Variants in SLC5A12 observed in about 807,000 individuals in gnomAD.
SLC5A12 encodes sodium-coupled monocarboxylate transporter 2.
SLC5A12 carries 46 observed loss-of-function variants against 72.7 expected under a neutral mutation model. That is an observed-to-expected ratio of 0.63 (90% CI 0.50 to 0.81). The LOEUF (loss-of-function observed/expected upper bound fraction) is 0.81. Among genes scored for constraint, SLC5A12 ranks in the 30% least tolerant of loss-of-function variants. SLC5A12 has a pLI of 0.00. For synonymous variants in SLC5A12, 275 were observed against 264.4 expected (o/e 1.04, Z -0.39); for missense variants, 683 against 740.7 (o/e 0.92, Z 0.90).
chr11:26,698,054 T>C (rs1854867287), intron 7 of SLC5A12, among the ~76,000 whole-genome samples: 2 of 152,064 alleles, frequency 1.3e-5, no homozygotes, highest in South Asian at 4.2e-4. Flanking sequence ...CCCGCCACCT[T>C]GCCTGGCTAA....
At position 26,669,199 on chromosome 11, in the gene SLC5A12, C is replaced by CTTTCTTTCTT. The variant is rs1854077754; in HGVS notation, c.*1893_*1902dup. ...TCTTTCTTTCTTCTTTTCTTTCTTT[C>CTTTCTTTCTT]TTTCTTTCTTTCTTTCTTTCTCTCT... On this transcript the variant is annotated 3_prime_UTR_variant, in exon 15 of 15. Coordinates refer to ENST00000396005, the MANE Select transcript of SLC5A12 (RefSeq NM_178498.4). 7.5e-6 allele frequency: 1 copy of CTTTCTTTCTT among 133,256 alleles called. No individual in the cohort carries two copies. The highest frequency in any genetic ancestry group is 1.6e-5 in the Non-Finnish European group (1 of 63,302). The allele number at this position is 133,256 out of a possible 1,614,324, so 8.3% of individuals were successfully genotyped here. A position where few individuals can be genotyped will look rare whatever the true frequency, so the allele number is the denominator to read the frequency against.
chr11:26,703,995 G>A (rs1855026477), intron 4 of SLC5A12, 48 bp from the exon 5 acceptor site: 1 of 1,600,724 alleles, frequency 6.2e-7, no homozygotes, highest in Non-Finnish European at 8.5e-7. Context: ...CCCTGTAACT[G>A]TACTGGCTCT....
rs896061072 is a variant in SLC5A12, at chr11:26,670,011, C to T, written c.*1091G>A. Reference sequence around the variant, plus strand: ...TTCTTCCAAAAATCTTTCACTGCTCCTTCATTTGTCAACTCGCCTTTTAAT... The same window carrying T: ...TTCTTCCAAAAATCTTTCACTGCTCTTTCATTTGTCAACTCGCCTTTTAAT... On this transcript the variant is annotated 3_prime_UTR_variant, in exon 15 of 15. Coordinates refer to ENST00000396005, the MANE Select transcript of SLC5A12 (RefSeq NM_178498.4). The T allele has an allele frequency of 8.5e-5, 13 of 152,204 alleles. 1 individual carries two copies. The highest frequency in any genetic ancestry group is 6.2e-4 in the South Asian group (3 of 4,830). 9.4% of individuals were successfully genotyped at this position (152,204 alleles called of 1,614,324 possible). A position where few individuals can be genotyped will look rare whatever the true frequency, so the allele number is the denominator to read the frequency against.
intron 13 of SLC5A12, among the ~76,000 whole-genome samples, chr11:26,674,540 C>T (rs947223828): frequency 3.9e-5 from 6 of 152,020 alleles, no homozygotes; most frequent in African/African-American, 1.4e-4. Flanking sequence ...GCTGGGACTA[C>T]AGGCACGAAC....
chr11:26,679,454 C>T (rs10742153), intron 12 of SLC5A12, among the ~76,000 whole-genome samples: 143,284 of 152,176 alleles, frequency 0.94, 68,074 homozygotes, highest in East Asian at 1. Context: ...TGAAATTCTT[C>T]GATATAAAAT....
intron 14 of SLC5A12, among the ~76,000 whole-genome samples, chr11:26,671,518 C>T (rs1330247326): frequency 6.6e-6 from 1 of 152,076 alleles, no homozygotes; most frequent in Non-Finnish European, 1.5e-5. Flanking sequence ...ATATACCTCT[C>T]ATTTAACCCA....
At chr11:26,688,918 C>A (rs1034442100) in intron 9 of SLC5A12, among the ~76,000 whole-genome samples, 1 of 151,980 alleles carries the variant, frequency 6.6e-6, no homozygotes, top group African/African-American at 2.4e-5. Context: ...CAGTTTTAGT[C>A]ATAATGACCT....
chr11:26,715,937 T>C (rs2133220872), intron 1 of SLC5A12, among the ~76,000 whole-genome samples: 1 of 152,308 alleles, frequency 6.6e-6, no homozygotes, highest in African/African-American at 2.4e-5. Flanking sequence ...AAATTGTTAA[T>C]CTGCAGAATT....
At position 26,690,794 on chromosome 11, in the gene SLC5A12, C is replaced by CAA. The variant is rs11454502; in HGVS notation, c.1153+1693_1153+1694dup. ...GGCCAACAAGAGTGAAACTCTGTCT[C>CAA]AAAAAAAAAAAAATTTAGTTTATTA... On this transcript the variant is annotated intron_variant, in intron 9 of 14. Transcript: ENST00000396005. Among the ~76,000 whole-genome samples, 95 of 135,532 alleles carry CAA rather than the reference C, an allele frequency of 7.0e-4. 1 individual carries two copies. Among genetic ancestry groups the CAA allele is most frequent in the African/African-American group, 2.3e-3 (85 of 37,766 alleles). The allele number at this position is 135,532 out of a possible 152,430, so 88.9% of individuals were successfully genotyped here.
At chr11:26,673,208 T>A (rs1414153014) in intron 14 of SLC5A12, among the ~76,000 whole-genome samples, 194 bp downstream of exon 14, 1 of 152,162 alleles carries the variant, frequency 6.6e-6, no homozygotes, top group Non-Finnish European at 1.5e-5. Context: ...ACAAGGCACT[T>A]TTACCTATCA....
chr11:26,671,470 A>G (rs1437562833), intron 14 of SLC5A12, among the ~76,000 whole-genome samples: 1 of 152,154 alleles, frequency 6.6e-6, no homozygotes, highest in Non-Finnish European at 1.5e-5. Flanking sequence ...CAATTTATTG[A>G]GCATTTACAG....
At chr11:26,675,540 G>A (rs1483208473) in intron 13 of SLC5A12, among the ~76,000 whole-genome samples, 1 of 152,142 alleles carries the variant, frequency 6.6e-6, no homozygotes, top group Non-Finnish European at 1.5e-5. Flanking sequence ...GACATACTAG[G>A]TGAGAAAAGA....
In SLC5A12 at chr11:26,672,392, C is replaced by T. The variant is rs189668880; in HGVS notation, c.1707+1010G>A. Among the ~76,000 whole-genome samples, 3 of 152,060 alleles carry T rather than the reference C, an allele frequency of 2.0e-5. No homozygotes were observed. The East Asian group carries it at 5.8e-4, about 29-fold the overall frequency. On this transcript the variant is annotated intron_variant, in intron 14 of 14. Transcript: ENST00000396005. Reference sequence around the variant, plus strand: ...TAAACTAAAAAGAAAAACACAACAACAACAAAAAATACTCCTGCCCTTAAT... The same window carrying T: ...TAAACTAAAAAGAAAAACACAACAATAACAAAAAATACTCCTGCCCTTAAT...
chr11:26,705,365 A>G (rs1855059037), intron 4 of SLC5A12, among the ~76,000 whole-genome samples: 1 of 152,084 alleles, frequency 6.6e-6, no homozygotes, highest in African/African-American at 2.4e-5. Flanking sequence ...GTGCTTGGGA[A>G]ATGAATGAGC....
chr11:26,699,608 A>G (rs1233330953), intron 6 of SLC5A12, among the ~76,000 whole-genome samples: 1 of 152,106 alleles, frequency 6.6e-6, no homozygotes, highest in Non-Finnish European at 1.5e-5. Context: ...GGGCTTTGGG[A>G]ATACAATTGC....
chr11:26,690,205 T>G lies in SLC5A12; in HGVS notation c.1153+2284A>C, dbSNP rs533684792. Among the ~76,000 whole-genome samples the G allele has an allele frequency of 4.4e-4, 67 of 152,220 alleles. No individual in the cohort carries two copies. The East Asian group carries it at 9.8e-3, about 22-fold the overall frequency. On this transcript the variant is annotated intron_variant, in intron 9 of 14. Transcript: ENST00000396005. ...TTCAGATAGGTTCCATGCAGTAAAC[T>G]TTAAAGTTAATTTAAGAGAATAAAT... is the stretch of plus-strand genomic sequence containing the variant.
chr11:26,687,700 T>C (rs192953511), intron 9 of SLC5A12, among the ~76,000 whole-genome samples: 4 of 152,334 alleles, frequency 2.6e-5, no homozygotes, highest in Admixed American at 2.0e-4. Context: ...GAACCCACTC[T>C]TAAAATGAAA....
At chr11:26,698,735 C>T (rs1045176606) in intron 6 of SLC5A12, among the ~76,000 whole-genome samples, 200 bp from the exon 7 acceptor site, 41 of 151,876 alleles carry the variant, frequency 2.7e-4, no homozygotes, top group African/African-American at 9.9e-4. Context: ...GACTCACTAC[C>T]AAATTTAAAT....
At chr11:26,712,059 A>G (rs1376965090) in intron 2 of SLC5A12, among the ~76,000 whole-genome samples, 1 of 152,078 alleles carries the variant, frequency 6.6e-6, no homozygotes, top group Admixed American at 6.6e-5. Flanking sequence ...TTGATTAAGA[A>G]GAGGGAAGAA....
Sources: gnomAD v4.1 joint callset for allele counts (sites outside exome capture counted in the v4.1 genomes callset) on GRCh38, gnomAD v4.1.1 for gene constraint, MANE v1.5 for transcripts, NCBI Gene and HGNC (gene_info 2026-07-23, HGNC 2026-07-21) for gene names.